NHSL2: variants seen among roughly 807,000 people sequenced by gnomAD.
The protein encoded by NHSL2 is NHS like 2.
A neutral mutation model predicts 53.4 loss-of-function variants in NHSL2; 27 were observed. The ratio of observed to expected loss-of-function variants is 0.51; its 90% confidence interval spans 0.37 to 0.70. The LOEUF (loss-of-function observed/expected upper bound fraction) is 0.70. Among genes scored for constraint, NHSL2 ranks in the 30% least tolerant of loss-of-function variants. The probability of loss-of-function intolerance (pLI) is 0.00; values close to 1 mark genes in which losing one functional copy is unlikely to be tolerated. For missense variants in NHSL2, 892 were observed against 980.1 expected (o/e 0.91, Z 1.20); for synonymous variants, 408 against 404.1 (o/e 1.01, Z -0.12).
chrX:72,089,928 A>G (rs2041882095), intron 1 of NHSL2, among the ~76,000 whole-genome samples: 1 of 112,233 alleles, frequency 8.9e-6, no homozygotes, highest in Non-Finnish European at 1.9e-5. Flanking sequence ...AACTTGACCA[A>G]TTCTAGTCTT....
chrX:72,042,394 A>G (rs2042279503), intron 1 of NHSL2, among the ~76,000 whole-genome samples: 1 of 112,117 alleles, frequency 8.9e-6, no homozygotes, highest in Non-Finnish European at 1.9e-5. Flanking sequence ...TGGCAGTCCC[A>G]GTTCACCCCC....
At chrX:72,019,577 G>T (rs1332927232) in intron 1 of NHSL2, among the ~76,000 whole-genome samples, 2 of 112,257 alleles carry the variant, frequency 1.8e-5, no homozygotes, top group East Asian at 5.6e-4. Flanking sequence ...ACAGAGGAAT[G>T]TACTGAGTGT....
chrX:72,134,714 C>T lies in NHSL2; in HGVS notation c.760+10C>T. 1.8e-6 allele frequency: 2 copies of T among 1,136,810 alleles called. No individual in the cohort carries two copies. The highest frequency in any genetic ancestry group is 2.6e-5 in the Admixed American group (1 of 38,770). 93.7% of individuals were successfully genotyped at this position (1,136,810 alleles called of 1,213,427 possible). On this transcript the variant is annotated intron_variant, in intron 4 of 7. Transcript: ENST00000633930. ...CCCATCAACATCTCTGGTAGAGTTG[C>T]TTAGCACCGCCTTTGTCTTCTTCCC...
rs2041906672 is a variant in NHSL2, at chrX:72,092,314, C to G, written c.281-39765C>G. ...CTCCATGGCTCTGCTACTGCTGTCT[C>G]CCTGGGCTTCTCCTGGGTTCTGGGC... On this transcript the variant is annotated intron_variant, in intron 1 of 7. Transcript: ENST00000633930. 3.6e-5 allele frequency among the ~76,000 whole-genome samples: 4 copies of G among 111,978 alleles called. No homozygotes were observed. The South Asian group carries it at 1.5e-3, about 42-fold the overall frequency.
intron 1 of NHSL2, among the ~76,000 whole-genome samples, chrX:71,950,155 C>G (rs1395167738): frequency 8.8e-6 from 1 of 113,182 alleles, no homozygotes; most frequent in Non-Finnish European, 1.9e-5. Context: ...ACCTGGAATC[C>G]TTTGGCCAGT....
chrX:72,064,160 C>T (rs1019552758), intron 1 of NHSL2, among the ~76,000 whole-genome samples: 16 of 111,845 alleles, frequency 1.4e-4, no homozygotes, highest in African/African-American at 2.6e-4. Flanking sequence ...AAAGTGTCTC[C>T]GGGCCCAGGG....
intron 1 of NHSL2, among the ~76,000 whole-genome samples, chrX:71,922,707 A>G (rs2041665998): frequency 8.9e-6 from 1 of 112,406 alleles, no homozygotes; most frequent in Non-Finnish European, 1.9e-5. Context: ...GAAGGCTGAG[A>G]AGGGTGTGTT....
chrX:71,943,623 A>G (rs1208451204), intron 1 of NHSL2, among the ~76,000 whole-genome samples: 1 of 112,198 alleles, frequency 8.9e-6, no homozygotes, highest in South Asian at 3.7e-4. Context: ...TTTTCCGTAT[A>G]TTGCTTTTTG....
intron 1 of NHSL2, among the ~76,000 whole-genome samples, chrX:71,928,455 GT>G (rs2041696575): frequency 8.9e-6 from 1 of 112,424 alleles, no homozygotes; most frequent in African/African-American, 3.2e-5. Context: ...TGTCATGGGA[GT>G]TCAAAGTGGC....
intron 1 of NHSL2, among the ~76,000 whole-genome samples, chrX:72,103,687 G>A (rs2042014751): frequency 8.9e-6 from 1 of 112,213 alleles, no homozygotes; most frequent in African/African-American, 3.2e-5. Context: ...CCAACTGACT[G>A]GGTAATCTTG....
In NHSL2 at chrX:72,152,690, A is replaced by G. The variant is rs1228670738; in HGVS notation, c.*9116A>G. The G allele has an allele frequency of 8.9e-6, 1 of 112,556 alleles. No individual in the cohort carries two copies. The allele number at this position is 112,556 out of a possible 1,213,427, so 9.3% of individuals were successfully genotyped here. On this transcript the variant is annotated 3_prime_UTR_variant, in exon 8 of 8. Coordinates refer to ENST00000633930, the MANE Select transcript of NHSL2 (RefSeq NM_001013627.3). ...GATCTACCCACTTACTGAAATCTAA[A>G]TTTTAAAAAATCAGTGATGAAAGTA... is the stretch of plus-strand genomic sequence containing the variant.
At chrX:72,131,693 G>A (rs2042302858) in intron 1 of NHSL2, 2 of 484,430 alleles carry the variant, frequency 4.1e-6, no homozygotes, top group South Asian at 7.6e-5. Flanking sequence ...ACCCACCGGG[G>A]CGAGCTCGGA....
At chrX:71,937,606 A>C (rs2041745511) in intron 1 of NHSL2, among the ~76,000 whole-genome samples, 1 of 112,268 alleles carries the variant, frequency 8.9e-6, no homozygotes, top group Admixed American at 9.4e-5. Flanking sequence ...ACTTACCCTT[A>C]CTAATATGCT....
At position 71,943,121 on chromosome X, in the gene NHSL2, C is replaced by A. The variant is rs754397999; in HGVS notation, c.280+31754C>A. On this transcript the variant is annotated intron_variant, in intron 1 of 7. Coordinates refer to ENST00000633930, the MANE Select transcript of NHSL2 (RefSeq NM_001013627.3). ...CCTTCAGAGTCTCTCTCTCCCTCTC[C>A]CTCTCTTTTTTTTAGAGAGAGGATC... is the stretch of plus-strand genomic sequence containing the variant. Among the ~76,000 whole-genome samples, 7 of 110,654 alleles carry A rather than the reference C, an allele frequency of 6.3e-5. No homozygotes were observed. In the East Asian group the frequency reaches 2.0e-3, roughly 31 times the overall value.
Position 71,949,397 on chromosome X carries a change from A to G in NHSL2, c.280+38030A>G, listed in dbSNP as rs779932075. On this transcript the variant is annotated intron_variant, in intron 1 of 7. Coordinates refer to ENST00000633930, the MANE Select transcript of NHSL2 (RefSeq NM_001013627.3). ...AACATTCAGCAACAAAGGGTGGGAA[A>G]GACACAAGCTGGAGAGCTGGGCCAG... 7.5e-4 allele frequency among the ~76,000 whole-genome samples: 83 copies of G among 111,208 alleles called. 1 individual carries two copies. Among genetic ancestry groups the G allele is most frequent in the African/African-American group, 2.6e-3 (80 of 30,582 alleles).
intron 4 of NHSL2, among the ~76,000 whole-genome samples, chrX:72,136,793 G>A (rs2042359220): frequency 8.9e-6 from 1 of 112,572 alleles, no homozygotes; most frequent in Admixed American, 9.4e-5. Flanking sequence ...AGATTTCAGT[G>A]TTCTGGGGTA....
At chrX:71,921,111 T>A (rs1174963506) in intron 1 of NHSL2, among the ~76,000 whole-genome samples, 4 of 109,680 alleles carry the variant, frequency 3.6e-5, no homozygotes, top group African/African-American at 1.3e-4. Flanking sequence ...CCAATATATT[T>A]TTTAACATTA....
intron 1 of NHSL2, chrX:72,130,845 G>T (rs1569482962): frequency 2.5e-6 from 3 of 1,210,141 alleles, no homozygotes; most frequent in Non-Finnish European, 3.4e-6. Context: ...CACGTGGGGG[G>T]ATGGGGCCAC....
chrX:71,988,580 A>G (rs1308492351), intron 1 of NHSL2, among the ~76,000 whole-genome samples: 1 of 110,581 alleles, frequency 9.0e-6, no homozygotes, highest in African/African-American at 3.3e-5. Flanking sequence ...GAGAGACACT[A>G]ACTCCCCTAA....
Sources: allele counts gnomAD v4.1 joint callset (sites outside exome capture counted in the v4.1 genomes callset), GRCh38; gene constraint gnomAD v4.1.1; transcripts MANE v1.5; gene names NCBI Gene and HGNC (gene_info 2026-07-23, HGNC 2026-07-21).